PDIA4: variants seen among roughly 807,000 people sequenced by gnomAD.
PDIA4 encodes protein disulfide-isomerase A4.
Under a neutral mutation model 62.1 loss-of-function variants are expected in PDIA4, and 33 were observed. That is an observed-to-expected ratio of 0.53 (90% CI 0.40 to 0.71). The LOEUF (loss-of-function observed/expected upper bound fraction) is 0.71, where lower values mean the gene tolerates loss of function less well. PDIA4 is among the 30% of genes least tolerant of loss of function. PDIA4 has a pLI of 0.00. For missense variants in PDIA4, 804 were observed against 813.6 expected (o/e 0.99, Z 0.14); for synonymous variants, 341 against 324.1 (o/e 1.05, Z -0.56).
chr7:149,022,072 A>C (rs1824374148), intron 1 of PDIA4, among the ~76,000 whole-genome samples: 1 of 152,208 alleles, frequency 6.6e-6, no homozygotes, highest in Non-Finnish European at 1.5e-5. Context: ...AAAGAGTACC[A>C]ACAGGAAACA....
intron 1 of PDIA4, among the ~76,000 whole-genome samples, chr7:149,026,840 C>T (rs1278247482): frequency 6.6e-6 from 1 of 151,542 alleles, no homozygotes; most frequent in Non-Finnish European, 1.5e-5. Flanking sequence ...TCCCAGGAGG[C>T]CTGCCCTTGG....
In PDIA4 at chr7:149,012,213, G is replaced by A; in HGVS notation, c.762C>T (p.Thr254=). The change falls in exon 5 of 10, where the codon ACC becomes ACT. Residue 254 remains threonine (T), a synonymous_variant. Coordinates refer to ENST00000652332, the MANE Select transcript of PDIA4 (RefSeq NM_004911.5). ...GCCTTCCTTTGCGGAAAATTTTCAG[G>A]GTGGGATAGCCAGAGACATCAAACC... ...AKRFDVSGYP[T]LKIFRKGRPY... The A allele has an allele frequency of 1.9e-6, 3 of 1,614,086 alleles. No homozygotes were observed. Among genetic ancestry groups the A allele is most frequent in the Non-Finnish European group, 2.5e-6 (3 of 1,180,004 alleles).
At chr7:149,019,941 A>G (rs1824284939) in intron 2 of PDIA4, among the ~76,000 whole-genome samples, 1 of 152,222 alleles carries the variant, frequency 6.6e-6, no homozygotes, top group Admixed American at 6.5e-5. Context: ...ACTAAAAAGT[A>G]TGAAATCTGA....
At position 149,020,956 on chromosome 7, in the gene PDIA4, G is replaced by T. The variant is rs537938751; in HGVS notation, c.269+11C>A. 1.4e-5 allele frequency: 23 copies of T among 1,613,006 alleles called. No homozygotes were observed. In the African/African-American group the frequency reaches 2.7e-4, roughly 19 times the overall value. ...CTTGTCCACCTGCAGAAATTAGAAC[G>T]CGGTCCTTACCATGGAGCATAAAAC... On this transcript the variant is annotated intron_variant, in intron 2 of 9. Coordinates refer to ENST00000652332, the MANE Select transcript of PDIA4 (RefSeq NM_004911.5).
intron 4 of PDIA4, among the ~76,000 whole-genome samples, chr7:149,014,308 C>G (rs1021588436): frequency 2.0e-5 from 3 of 152,096 alleles, no homozygotes; most frequent in Non-Finnish European, 4.4e-5. Context: ...AGACTCCCTA[C>G]AGAACACACC....
intron 4 of PDIA4, among the ~76,000 whole-genome samples, chr7:149,013,955 T>C (rs1824038233): frequency 6.6e-6 from 1 of 152,132 alleles, no homozygotes; most frequent in Non-Finnish European, 1.5e-5. Flanking sequence ...GCCCCATGCA[T>C]AGCGAAACAA....
chr7:149,021,810 A>G (rs1824363307), intron 1 of PDIA4, among the ~76,000 whole-genome samples: 1 of 152,074 alleles, frequency 6.6e-6, no homozygotes, highest in Non-Finnish European at 1.5e-5. Context: ...CAGCCTCCGC[A>G]TTGGCCACCT....
Position 149,028,442 on chromosome 7 carries a change from G to T in PDIA4, c.-34C>A, listed in dbSNP as rs1341166648. On this transcript the variant is annotated 5_prime_UTR_variant, in exon 1 of 10. Transcript: ENST00000652332. ...GGGCGGAGCGCGGCCTCCTAGCGTC[G>T]GCGGCCGCTGAGCGCACCGAGAACT... 2.5e-5 allele frequency: 35 copies of T among 1,402,922 alleles called. No individual in the cohort carries two copies. Among genetic ancestry groups the T allele is most frequent in the Non-Finnish European group, 3.3e-5 (35 of 1,060,846 alleles). 86.9% of individuals were successfully genotyped at this position (1,402,922 alleles called of 1,614,324 possible).
chr7:149,005,866 AC>A (rs150408680), intron 8 of PDIA4, 30 bp downstream of exon 8: 283,969 of 1,459,788 alleles, frequency 0.19, 28,959 homozygotes, highest in African/African-American at 0.3. Context: ...CCCACCCCCC[AC>A]CCCCGCAGGT....
At chr7:149,018,828 T>A (rs1284713362) in intron 3 of PDIA4, among the ~76,000 whole-genome samples, 164 bp downstream of exon 3, 1 of 6,818 alleles carries the variant, frequency 1.5e-4, no homozygotes, top group Non-Finnish European at 2.9e-4. Context: ...TACTCCCCCC[T>A]CCTACCCCCC....
At chr7:149,011,604 G>A (rs1253937435) in intron 6 of PDIA4, among the ~76,000 whole-genome samples, 2 of 152,218 alleles carry the variant, frequency 1.3e-5, no homozygotes, top group African/African-American at 4.8e-5. Context: ...GGCTCTGGAA[G>A]GCAGACATGG....
At chr7:149,010,994 A>G (rs2129504466) in intron 6 of PDIA4, among the ~76,000 whole-genome samples, 1 of 152,356 alleles carries the variant, frequency 6.6e-6, no homozygotes, top group Middle Eastern at 3.4e-3. Context: ...TTAGGCGTGA[A>G]TAACAAGGCC....
chr7:149,004,542 CCA>C (rs1313116054), intron 9 of PDIA4, among the ~76,000 whole-genome samples: 1 of 152,238 alleles, frequency 6.6e-6, no homozygotes, highest in Non-Finnish European at 1.5e-5. Context: ...CCAGGACAAC[CCA>C]CAGACATCGG....
chr7:149,026,320 G>T (rs955551899), intron 1 of PDIA4, among the ~76,000 whole-genome samples: 1 of 152,054 alleles, frequency 6.6e-6, no homozygotes, highest in African/African-American at 2.4e-5. Context: ...GCCAGCCTGG[G>T]CAACATAGTG....
At chr7:149,020,505 G>A (rs953294077) in intron 2 of PDIA4, among the ~76,000 whole-genome samples, 1 of 152,150 alleles carries the variant, frequency 6.6e-6, no homozygotes, top group Non-Finnish European at 1.5e-5. Flanking sequence ...TGGTCCCCCC[G>A]CAGGGCCTAT....
At chr7:149,009,687 T>G (rs993689159) in intron 6 of PDIA4, among the ~76,000 whole-genome samples, 1 of 152,252 alleles carries the variant, frequency 6.6e-6, no homozygotes, top group East Asian at 1.9e-4. Flanking sequence ...CTAAGGACCA[T>G]GTGGTCTGTC....
At chr7:149,004,468 G>T (rs1823671191) in intron 9 of PDIA4, among the ~76,000 whole-genome samples, 1 of 152,254 alleles carries the variant, frequency 6.6e-6, no homozygotes, top group Non-Finnish European at 1.5e-5. Flanking sequence ...AAGAGTCACT[G>T]CCCAGGCAGA....
Position 149,005,370 on chromosome 7 carries a change from A to G in PDIA4, c.1293T>C (p.Thr431=). The G allele has an allele frequency of 6.2e-7, 1 of 1,611,294 alleles. No individual in the cohort carries two copies. The highest frequency in any genetic ancestry group is 8.5e-7 in the Non-Finnish European group (1 of 1,177,436). Reference sequence around the variant, plus strand: ...CTAGGACTTTGCTCCGCCAAAACTGAGTTGCTGAAAGGGACCAAGGGCCAT... The same window carrying G: ...CTAGGACTTTGCTCCGCCAAAACTGGGTTGCTGAAAGGGACCAAGGGCCAT... ...VDFSFDYRAA[T]QFWRSKVLEV... Residue 431 remains threonine, a synonymous_variant, in exon 9 of 10, where the codon ACT becomes ACC. Coordinates refer to ENST00000652332, the MANE Select transcript of PDIA4 (RefSeq NM_004911.5).
chr7:149,007,121 G>A (rs1443297288), intron 7 of PDIA4, among the ~76,000 whole-genome samples: 2 of 150,612 alleles, frequency 1.3e-5, no homozygotes, highest in Non-Finnish European at 2.9e-5. Flanking sequence ...CCAGGGAAGA[G>A]GAGAGTTGCC....
Sources: gnomAD v4.1 joint callset for allele counts (sites outside exome capture counted in the v4.1 genomes callset) on GRCh38, gnomAD v4.1.1 for gene constraint, MANE v1.5 for transcripts, NCBI Gene and HGNC (gene_info 2026-07-23, HGNC 2026-07-21) for gene names.